STT3B: variants seen among roughly 807,000 people sequenced by gnomAD.
The protein encoded by STT3B is STT3 oligosaccharyltransferase complex catalytic subunit B.
A neutral mutation model predicts 96.8 loss-of-function variants in STT3B; 29 were observed. The ratio of observed to expected loss-of-function variants is 0.30; its 90% CI spans 0.22 to 0.41. The LOEUF is 0.41. STT3B is among the 10% of genes least tolerant of loss of function. STT3B has a pLI of 1.00. For missense variants in STT3B, 640 were observed against 1,022.3 expected, an observed-to-expected ratio of 0.63 and a Z score of 5.10; for synonymous variants, 367 against 360.0, an observed-to-expected ratio of 1.02 and a Z score of -0.22.
At chr3:31,604,650 A>T (rs983152289) in intron 5 of STT3B, among the ~76,000 whole-genome samples, 1 of 152,240 alleles carries the variant, frequency 6.6e-6, no homozygotes, top group African/African-American at 2.4e-5. Flanking sequence ...TATACAGTGT[A>T]ATCAATTTAA....
At chr3:31,534,809 A>T (rs775196875) in intron 1 of STT3B, among the ~76,000 whole-genome samples, 8 of 152,218 alleles carry the variant, frequency 5.3e-5, no homozygotes, top group Non-Finnish European at 1.2e-4. Flanking sequence ...TTCTAACACT[A>T]GTTTTTTTAA....
intron 14 of STT3B, among the ~76,000 whole-genome samples, chr3:31,630,665 G>A (rs7627284): frequency 0.68 from 103,618 of 152,090 alleles, 36,173 homozygotes; most frequent in Non-Finnish European, 0.76. Flanking sequence ...GGTTAAGTTG[G>A]TAAGAAAGCA....
chr3:31,533,480 G>A, intron 1 of STT3B, 168 bp downstream of exon 1: 2 of 845,988 alleles, frequency 2.4e-6, no homozygotes, highest in Non-Finnish European at 3.1e-6. Flanking sequence ...CCCCCTGCCC[G>A]TGGGCGAAGT....
At chr3:31,560,639 T>C (rs1269305185) in intron 1 of STT3B, among the ~76,000 whole-genome samples, 3 of 152,116 alleles carry the variant, frequency 2.0e-5, no homozygotes, top group African/African-American at 7.2e-5. Flanking sequence ...TGGGGGTTTC[T>C]TTATAAGTGA....
chr3:31,615,088 C>T lies in STT3B; in HGVS notation c.878-17C>T. On this transcript the variant is annotated splice_polypyrimidine_tract_variant and intron_variant, in intron 5 of 15. Transcript: ENST00000295770. ...GGTAGTAGTAAATTATCCTTGTTTC[C>T]TATTTTGTCTTTATAGCATATAGCA... 6.7e-7 allele frequency: 1 copy of T among 1,489,274 alleles called. No individual in the cohort carries two copies. Among genetic ancestry groups the T allele is most frequent in the South Asian group, 1.2e-5 (1 of 82,296 alleles). The allele number at this position is 1,489,274 out of a possible 1,614,324, so 92.3% of individuals were successfully genotyped here. A position where few individuals can be genotyped will look rare whatever the true frequency, so the allele number is the denominator to read the frequency against.
At chr3:31,629,088 A>G (rs1000813367) in intron 13 of STT3B, among the ~76,000 whole-genome samples, 5 of 152,220 alleles carry the variant, frequency 3.3e-5, no homozygotes, top group African/African-American at 1.2e-4. Context: ...CCTCGAGGAC[A>G]GAACGAGACA....
At chr3:31,618,389 C>A (rs763518509) in intron 8 of STT3B, among the ~76,000 whole-genome samples, 1 of 150,648 alleles carries the variant, frequency 6.6e-6, no homozygotes. Context: ...TTTTCTAATA[C>A]CATCTGATCT....
At chr3:31,552,645 TCTC>T (rs1156808901) in intron 1 of STT3B, among the ~76,000 whole-genome samples, 4 of 152,170 alleles carry the variant, frequency 2.6e-5, no homozygotes, top group Non-Finnish European at 4.4e-5. Context: ...CAAGAACACT[TCTC>T]CTCTTTTCCT....
intron 1 of STT3B, among the ~76,000 whole-genome samples, chr3:31,574,136 C>T (rs1308966706): frequency 2.0e-5 from 3 of 152,010 alleles, no homozygotes; most frequent in Non-Finnish European, 4.4e-5. Context: ...AAATTTAAAA[C>T]CTTGGTATTC....
At chr3:31,610,506 A>G (rs1365455231) in intron 5 of STT3B, among the ~76,000 whole-genome samples, 1 of 152,228 alleles carries the variant, frequency 6.6e-6, no homozygotes, top group African/African-American at 2.4e-5. Flanking sequence ...GAGAGAAGGT[A>G]CTTAAAGATT....
At chr3:31,550,389 G>A (rs1169738911) in intron 1 of STT3B, among the ~76,000 whole-genome samples, 2 of 152,168 alleles carry the variant, frequency 1.3e-5, no homozygotes, top group East Asian at 3.8e-4. Flanking sequence ...TTTGTTATCT[G>A]AAGCTTATGA....
chr3:31,619,551 G>A, intron 8 of STT3B, 125 bp from the exon 9 acceptor site: 1 of 747,192 alleles, frequency 1.3e-6, no homozygotes, highest in African/African-American at 1.8e-5. Context: ...ACCTTGGAAG[G>A]TATATTTAAA....
chr3:31,595,542 A>G (rs1698768030), intron 3 of STT3B, among the ~76,000 whole-genome samples: 1 of 152,094 alleles, frequency 6.6e-6, no homozygotes, highest in Non-Finnish European at 1.5e-5. Flanking sequence ...TTAGTTTCTG[A>G]TACCTACCTC....
At chr3:31,536,667 T>C (rs1017956345) in intron 1 of STT3B, among the ~76,000 whole-genome samples, 1 of 152,262 alleles carries the variant, frequency 6.6e-6, no homozygotes, top group Non-Finnish European at 1.5e-5. Context: ...GATTTATTTA[T>C]TGAAGTACAC....
chr3:31,596,478 C>T (rs1216481600), intron 3 of STT3B, among the ~76,000 whole-genome samples: 9 of 151,972 alleles, frequency 5.9e-5, no homozygotes, highest in Non-Finnish European at 1.3e-4. Flanking sequence ...GCCATGGTGA[C>T]CTGTGGCATG....
Position 31,622,272 on chromosome 3 carries a change from G to A in STT3B, c.1503G>A (p.Glu501=), listed in dbSNP as rs1272574928. 2 of 1,613,954 alleles carry A rather than the reference G, an allele frequency of 1.2e-6. No homozygotes were observed. The highest frequency in any genetic ancestry group is 2.2e-5 in the South Asian group (2 of 91,082). The part of the protein sequence containing the change: ...ENPPVEDSSD[E]DDKRNQGNLY... ...CACCTGTGGAGGACAGCAGTGATGA[G>A]GATGACAAAAGAAACCAAGGAAATT... The change falls in exon 10 of 16, where the codon GAG becomes GAA. Residue 501 remains glutamate (E), a synonymous_variant. Transcript: ENST00000295770.
intron 1 of STT3B, among the ~76,000 whole-genome samples, chr3:31,552,926 AC>A (rs758261619): frequency 2.0e-5 from 3 of 151,794 alleles, no homozygotes; most frequent in Non-Finnish European, 4.4e-5. Context: ...ACACGGTGAA[AC>A]CCCGTCTCTA....
intron 3 of STT3B, among the ~76,000 whole-genome samples, chr3:31,582,563 G>C (rs531387857): frequency 6.6e-6 from 1 of 151,848 alleles, no homozygotes; most frequent in Non-Finnish European, 1.5e-5. Context: ...AAAGTGCTAG[G>C]TTTACAGGCA....
chr3:31,577,912 C>T (rs1698296547), intron 2 of STT3B, among the ~76,000 whole-genome samples: 1 of 151,960 alleles, frequency 6.6e-6, no homozygotes, highest in African/African-American at 2.4e-5. Context: ...TAAATTAATC[C>T]TCAGTGGAAG....
Sources: gnomAD v4.1 joint callset for allele counts (sites outside exome capture counted in the v4.1 genomes callset) on GRCh38, gnomAD v4.1.1 for gene constraint, MANE v1.5 for transcripts, NCBI Gene and HGNC (gene_info 2026-07-23, HGNC 2026-07-21) for gene names.